Variants in NXPE2 observed in about 807,000 individuals in gnomAD.
NXPE2 encodes neurexophilin and PC-esterase domain family member 2, also known as NXPE family member 2.
NXPE2 carries 34 observed loss-of-function variants against 34.4 expected under a neutral mutation model. That is an observed-to-expected ratio of 0.99 (90% confidence interval 0.75 to 1.31). NXPE2 has a LOEUF of 1.31. Ranked by LOEUF, NXPE2 falls within the 40% of genes most tolerant of loss-of-function variation. The pLI, the probability that NXPE2 is intolerant of heterozygous loss-of-function variation, is 0.00. For synonymous variants in NXPE2, 235 were observed against 231.3 expected (o/e 1.02, Z -0.15); for missense variants, 649 against 672.5 (o/e 0.97, Z 0.39).
the NXPE2 span, among the ~76,000 whole-genome samples, chr11:114,513,788 A>G: frequency 4.6e-5 from 7 of 152,250 alleles, no homozygotes; most frequent in Admixed American, 1.3e-4. Context: ...AAGAAATATT[A>G]CAGCACTTCT....
the NXPE2 span, among the ~76,000 whole-genome samples, chr11:114,533,324 A>C: frequency 1.2e-4 from 19 of 152,310 alleles, no homozygotes; most frequent in Non-Finnish European, 8.8e-5. Context: ...AGATGGCAGA[A>C]TAAGAACAGC....
the NXPE2 span, among the ~76,000 whole-genome samples, chr11:114,564,898 C>A: frequency 2.0e-5 from 3 of 152,134 alleles, no homozygotes; most frequent in Non-Finnish European, 4.4e-5. Flanking sequence ...TAAGTTATTT[C>A]TATACTCTAT....
chr11:114,734,266 G>C, the NXPE2 span, among the ~76,000 whole-genome samples: 1 of 151,956 alleles, frequency 6.6e-6, no homozygotes, highest in South Asian at 2.1e-4. Flanking sequence ...CTTTTATTTA[G>C]ATACTTTAAT....
chr11:114,732,000 G>A, the NXPE2 span, among the ~76,000 whole-genome samples: 2 of 152,194 alleles, frequency 1.3e-5, no homozygotes, highest in African/African-American at 2.4e-5. Flanking sequence ...GGATTTCTGT[G>A]TTCTTCTGAA....
chr11:114,654,104 G>T, the NXPE2 span, among the ~76,000 whole-genome samples: 1 of 152,146 alleles, frequency 6.6e-6, no homozygotes, highest in Non-Finnish European at 1.5e-5. Flanking sequence ...AGGAGATGAA[G>T]TTGGAAAGTA....
chr11:114,627,738 A>T, the NXPE2 span, among the ~76,000 whole-genome samples: 3 of 152,176 alleles, frequency 2.0e-5, no homozygotes, highest in African/African-American at 7.2e-5. Flanking sequence ...TTGGTTAAAG[A>T]GTCAAGACCC....
the NXPE2 span, among the ~76,000 whole-genome samples, chr11:114,772,481 T>C: frequency 1.3e-5 from 2 of 152,186 alleles, no homozygotes; most frequent in Admixed American, 6.5e-5. Context: ...TACTGCTTAA[T>C]ATTCAATATC....
chr11:114,643,182 A>G, the NXPE2 span, among the ~76,000 whole-genome samples: 1 of 152,058 alleles, frequency 6.6e-6, no homozygotes, highest in African/African-American at 2.4e-5. Context: ...ATAGATTGCA[A>G]AAATTTTCTC....
At chr11:114,788,485 T>C in the NXPE2 span, among the ~76,000 whole-genome samples, 351 of 152,270 alleles carry the variant, frequency 2.3e-3, 6 homozygotes, top group Admixed American at 0.02. Context: ...ATCCTGTTCA[T>C]ATTCCCAGCA....
At chr11:114,534,442 T>C in the NXPE2 span, among the ~76,000 whole-genome samples, 1 of 152,174 alleles carries the variant, frequency 6.6e-6, no homozygotes, top group Non-Finnish European at 1.5e-5. Flanking sequence ...GGAGAATGAC[T>C]TTGACGAGTT....
chr11:114,690,339 C>A (rs1951127685), intron 2 of NXPE2, among the ~76,000 whole-genome samples: 1 of 152,122 alleles, frequency 6.6e-6, no homozygotes, highest in African/African-American at 2.4e-5. Flanking sequence ...TACTTCATTT[C>A]TCCTTCATTT....
the NXPE2 span, among the ~76,000 whole-genome samples, chr11:114,743,865 GTA>G: frequency 5.2e-4 from 78 of 149,822 alleles, no homozygotes; most frequent in East Asian, 0.011. Context: ...GTATATATAA[GTA>G]TATATATGTG....
the NXPE2 span, among the ~76,000 whole-genome samples, chr11:114,741,387 C>CAT: frequency 2.0e-5 from 3 of 152,034 alleles, no homozygotes; most frequent in Non-Finnish European, 4.4e-5. Context: ...AGTTTTCAGC[C>CAT]ATTACTACTT....
At chr11:114,633,691 A>G in the NXPE2 span, among the ~76,000 whole-genome samples, 2 of 144,016 alleles carry the variant, frequency 1.4e-5, no homozygotes, top group African/African-American at 2.6e-5. Context: ...TTCAATTCCC[A>G]CCTATGAGTG....
the NXPE2 span, among the ~76,000 whole-genome samples, chr11:114,633,240 TATA>T: frequency 5.1e-4 from 69 of 134,628 alleles, no homozygotes; most frequent in African/African-American, 1.8e-3. Context: ...ATATGTAACA[TATA>T]ATATATAATA....
At chr11:114,722,692 G>C in the NXPE2 span, among the ~76,000 whole-genome samples, 7 of 152,294 alleles carry the variant, frequency 4.6e-5, no homozygotes, top group East Asian at 1.2e-3. Context: ...AAAGAGGCCA[G>C]CAGTGCTGCA....
chr11:114,738,099 A>G, the NXPE2 span, among the ~76,000 whole-genome samples: 2 of 152,042 alleles, frequency 1.3e-5, no homozygotes, highest in African/African-American at 4.8e-5. Context: ...AAACAAACCA[A>G]TGAGACTGGA....
At chr11:114,678,349 G>T, upstream of NXPE2, 1 of 433,790 alleles carries the variant, frequency 2.3e-6, no homozygotes, top group South Asian at 3.5e-5. Context: ...ACAAACTTCA[G>T]AGCTTCCTCA....
the NXPE2 span, among the ~76,000 whole-genome samples, chr11:114,639,810 T>TAATATAAAATATAATATATATTATTTTA: frequency 1.3e-5 from 1 of 77,950 alleles, no homozygotes; most frequent in African/African-American, 4.7e-5. Flanking sequence ...AAATATAAAA[T>TAATATAAAATATAATATATATTATTTTA]AATATAAAAT....
Sources: gnomAD v4.1 joint callset for allele counts (sites outside exome capture counted in the v4.1 genomes callset) on GRCh38, gnomAD v4.1.1 for gene constraint, MANE v1.5 for transcripts, NCBI Gene and HGNC (gene_info 2026-07-23, HGNC 2026-07-21) for gene names.